Variants in SHB observed in about 807,000 individuals in gnomAD.
The protein encoded by SHB is SH2 domain-containing adapter protein B.
In SHB, 20 loss-of-function variants were observed where a neutral mutation model predicts 52.3. The observed-to-expected ratio is 0.38, with a 90% CI of 0.27 to 0.56. SHB has a LOEUF of 0.56. Ranked by LOEUF, SHB falls within the 20% of genes least tolerant of loss-of-function variation. The probability of loss-of-function intolerance (pLI) is 0.71; values close to 1 mark genes in which losing one functional copy is unlikely to be tolerated. For missense variants in SHB, 825 were observed against 723.3 expected, an observed-to-expected ratio of 1.14 and a Z score of -1.61; for synonymous variants, 397 against 316.5, an observed-to-expected ratio of 1.25 and a Z score of -2.70.
chr9:37,973,300 C>T (rs933817593), intron 3 of SHB, among the ~76,000 whole-genome samples: 3 of 152,080 alleles, frequency 2.0e-5, no homozygotes, highest in South Asian at 2.1e-4. Context: ...CTCGGCTCAC[C>T]GCAACCTCCA....
At position 38,068,226 on chromosome 9, in the gene SHB, G is replaced by C; in HGVS notation, c.420C>G (p.Cys140Trp). The C allele has an allele frequency of 7.2e-7, 1 of 1,396,696 alleles. No homozygotes were observed. Among genetic ancestry groups the C allele is most frequent in the African/African-American group, 1.5e-5 (1 of 65,886 alleles). 86.5% of individuals were successfully genotyped at this position (1,396,696 alleles called of 1,614,324 possible). A position where few individuals can be genotyped will look rare whatever the true frequency, so the allele number is the denominator to read the frequency against. The stretch of plus-strand genomic sequence containing the variant: ...CGGCCCCCGCGCCCGAGGAGGCGCA[G>C]CAACAGCCCGCGGCGCCCGACGCGG... ...ASSASGAAGC[C>W]CASSGAGAAA... Residue 140 changes from cysteine to tryptophan, a missense_variant, in exon 1 of 6, where the codon TGC (cysteine) becomes TGG (tryptophan). By Grantham distance (215) the Cys-to-Trp change is radical (BLOSUM62 -2). Coordinates refer to ENST00000377707, the MANE Select transcript of SHB (RefSeq NM_003028.3).
Position 37,954,586 on chromosome 9 carries a change from T to C in SHB, c.1226+1297A>G, listed in dbSNP as rs370224892. ...ACCACTCTGGGCCCTGATGTTCTCA[T>C]CTAGGCAATGGGCTGACAACCCTTT... On this transcript the variant is annotated intron_variant, in intron 4 of 5. Coordinates refer to ENST00000377707, the MANE Select transcript of SHB (RefSeq NM_003028.3). Among the ~76,000 whole-genome samples the C allele has an allele frequency of 7.9e-5, 12 of 152,182 alleles. No individual in the cohort carries two copies. In the East Asian group the frequency reaches 2.1e-3, roughly 27 times the overall value.
intron 1 of SHB, among the ~76,000 whole-genome samples, chr9:38,043,451 T>C (rs1464596501): frequency 6.6e-6 from 1 of 152,172 alleles, no homozygotes; most frequent in Admixed American, 6.5e-5. Flanking sequence ...GCATCCTCCC[T>C]GAAAAAGTGA....
At position 38,035,476 on chromosome 9, in the gene SHB, A is replaced by T. The variant is rs892658929; in HGVS notation, c.718-19345T>A. 3.6e-4 allele frequency among the ~76,000 whole-genome samples: 55 copies of T among 152,086 alleles called. 2 individuals are homozygous for T. The highest frequency in any genetic ancestry group is 1.2e-4 in the Non-Finnish European group (8 of 68,008). On this transcript the variant is annotated intron_variant, in intron 1 of 5. Coordinates refer to ENST00000377707, the MANE Select transcript of SHB (RefSeq NM_003028.3). ...GTGTTGAAGGGGTTGCTCCAACCTT[A>T]TAAAACTGCATCCCTCCCTCTCACT...
At chr9:38,044,091 G>A (rs193008505) in intron 1 of SHB, among the ~76,000 whole-genome samples, 4 of 152,302 alleles carry the variant, frequency 2.6e-5, no homozygotes, top group African/African-American at 9.6e-5. Flanking sequence ...ATTACAGGGA[G>A]GAGGCCGGTG....
intron 1 of SHB, among the ~76,000 whole-genome samples, chr9:38,036,824 G>C (rs1232424866): frequency 2.0e-5 from 3 of 152,196 alleles, no homozygotes; most frequent in Non-Finnish European, 2.9e-5. Context: ...CTATGGATTT[G>C]ATTCTCATAT....
intron 1 of SHB, among the ~76,000 whole-genome samples, chr9:38,054,674 C>T (rs1821792400): frequency 6.6e-6 from 1 of 152,194 alleles, no homozygotes; most frequent in East Asian, 1.9e-4. Context: ...TACAATCGCA[C>T]ATCTGAGGGT....
chr9:37,992,615 G>A (rs1251554239), intron 2 of SHB, among the ~76,000 whole-genome samples: 3 of 152,140 alleles, frequency 2.0e-5, no homozygotes, highest in African/African-American at 4.8e-5. Context: ...GGTCTGCCCC[G>A]TACTTTATCC....
chr9:37,961,178 T>C (rs1231149465), intron 3 of SHB, among the ~76,000 whole-genome samples: 2 of 152,204 alleles, frequency 1.3e-5, no homozygotes, highest in Non-Finnish European at 2.9e-5. Context: ...CAGCCCTCAG[T>C]ACATCTCCTG....
At chr9:38,008,422 C>T (rs1010027589) in intron 2 of SHB, among the ~76,000 whole-genome samples, 1 of 152,360 alleles carries the variant, frequency 6.6e-6, no homozygotes, top group Non-Finnish European at 1.5e-5. Context: ...AATCTATTTA[C>T]ACTTGATGAT....
intron 2 of SHB, among the ~76,000 whole-genome samples, chr9:38,001,744 C>T (rs1821016770): frequency 6.6e-6 from 1 of 152,238 alleles, no homozygotes; most frequent in Non-Finnish European, 1.5e-5. Context: ...TTGGAGGCCA[C>T]ATCCTTGCTG....
rs1320827488 is a variant in SHB at position 38,014,561 on chromosome 9, C to A, written c.838+1450G>T. Among the ~76,000 whole-genome samples, 4 of 152,252 alleles carry A rather than the reference C, an allele frequency of 2.6e-5. No homozygotes were observed. The East Asian group carries it at 7.7e-4, about 29-fold the overall frequency. On this transcript the variant is annotated intron_variant, in intron 2 of 5. Transcript: ENST00000377707. Reference sequence around the variant, plus strand: ...AGGACCCCAGATCCAAACACAAGCTCAACTCTTGGCCTCTTGTTGCCCACT... The same window carrying A: ...AGGACCCCAGATCCAAACACAAGCTAAACTCTTGGCCTCTTGTTGCCCACT...
intron 5 of SHB, among the ~76,000 whole-genome samples, chr9:37,926,338 C>T (rs900653220): frequency 1.3e-5 from 2 of 152,166 alleles, no homozygotes; most frequent in Non-Finnish European, 2.9e-5. Context: ...AGAAACTCTC[C>T]TCCTCACACC....
chr9:37,986,954 CG>C (rs1405875433), intron 2 of SHB, among the ~76,000 whole-genome samples: 3 of 152,226 alleles, frequency 2.0e-5, no homozygotes, highest in Non-Finnish European at 4.4e-5. Flanking sequence ...GGGCACGGTG[CG>C]GTCTCTGCCT....
At chr9:37,984,112 G>A (rs10465085) in intron 2 of SHB, among the ~76,000 whole-genome samples, 5,070 of 152,268 alleles carry the variant, frequency 0.033, 275 homozygotes, top group East Asian at 0.29. Context: ...CAAGTGTTTC[G>A]AACAGTGCCT....
intron 3 of SHB, among the ~76,000 whole-genome samples, chr9:37,967,630 C>T (rs568168130): frequency 6.6e-6 from 1 of 152,184 alleles, no homozygotes; most frequent in Non-Finnish European, 1.5e-5. Flanking sequence ...CCTCTATGTT[C>T]TCAAAGTGGG....
chr9:37,929,325 T>G (rs1398467577), intron 5 of SHB, among the ~76,000 whole-genome samples: 1 of 152,272 alleles, frequency 6.6e-6, no homozygotes, highest in Non-Finnish European at 1.5e-5. Context: ...GCCCCTCGGA[T>G]AAGCATGACG....
intron 5 of SHB, among the ~76,000 whole-genome samples, chr9:37,932,826 G>A (rs1173224242): frequency 1.3e-5 from 2 of 152,162 alleles, no homozygotes; most frequent in African/African-American, 2.4e-5. Context: ...CGTTGCCCAG[G>A]CTAGTCTTGA....
chr9:38,062,230 T>G lies in SHB; in HGVS notation c.717+5699A>C, dbSNP rs544058494. On this transcript the variant is annotated intron_variant, in intron 1 of 5. Transcript: ENST00000377707. ...TTTTGAACTCAAGACTGCACTGGTG[T>G]GATCCTTGCTCTATCACTTTGCAGC... is the stretch of plus-strand genomic sequence containing the variant. Among the ~76,000 whole-genome samples, 6 of 152,354 alleles carry G rather than the reference T, an allele frequency of 3.9e-5. No individual in the cohort carries two copies. In the South Asian group the frequency reaches 8.3e-4, roughly 21 times the overall value.
Sources: gnomAD v4.1 joint callset for allele counts (sites outside exome capture counted in the v4.1 genomes callset) on GRCh38, gnomAD v4.1.1 for gene constraint, MANE v1.5 for transcripts, NCBI Gene and HGNC (gene_info 2026-07-23, HGNC 2026-07-21) for gene names.